The following PLD5 variants were observed in gnomAD, a reference collection of about 807,000 sequenced individuals.
The protein encoded by PLD5 is phospholipase D family member 5.
A neutral mutation model predicts 61.1 loss-of-function variants in PLD5; 36 were observed. That is an observed-to-expected ratio of 0.59 (90% CI 0.45 to 0.78). The LOEUF is 0.78. Ranked by LOEUF, PLD5 falls within the 30% of genes least tolerant of loss-of-function variation. PLD5 has a pLI of 0.00. For synonymous variants in PLD5, 243 were observed against 242.8 expected (o/e 1.00, Z -0.01); for missense variants, 515 against 644.4 (o/e 0.80, Z 2.17).
intron 1 of PLD5, among the ~76,000 whole-genome samples, chr1:242,476,338 A>G (rs1667595757): frequency 6.6e-6 from 1 of 151,980 alleles, no homozygotes; most frequent in Non-Finnish European, 1.5e-5. Context: ...CTGGGCGATG[A>G]GAGTGAAACT....
rs1189687083 is a variant in PLD5, at chr1:242,393,732, ATATATGAGTATATATGTGTG to A, written c.190-45510_190-45491del. 5.5e-5 allele frequency among the ~76,000 whole-genome samples: 8 copies of A among 144,634 alleles called. No homozygotes were observed. The East Asian group carries it at 1.0e-3, about 19-fold the overall frequency. 94.9% of individuals were successfully genotyped at this position (144,634 alleles called of 152,430 possible). ...TGTATATATGAGTATATATGTGTGTATATATGAGTATATATGTGTGTATATGAGTATATAAGTATTTTTAG... is the reference window on the plus strand; with the variant it reads ...TGTATATATGAGTATATATGTGTGTATATATGAGTATATAAGTATTTTTAG... On this transcript the variant is annotated intron_variant, in intron 1 of 9. Transcript: ENST00000536534.
chr1:242,397,512 T>TA (rs34279686), intron 1 of PLD5, among the ~76,000 whole-genome samples: 18 of 151,576 alleles, frequency 1.2e-4, no homozygotes, highest in Middle Eastern at 3.4e-3. Flanking sequence ...GTTGATAGAT[T>TA]AAAAAAACTA....
intron 1 of PLD5, among the ~76,000 whole-genome samples, chr1:242,488,545 A>C (rs1572231212): frequency 1.3e-5 from 2 of 152,216 alleles, no homozygotes; most frequent in East Asian, 3.9e-4. Flanking sequence ...AAAACTATGG[A>C]TACAGTAAAA....
At chr1:242,257,212 C>T (rs1242877293) in intron 4 of PLD5, among the ~76,000 whole-genome samples, 1 of 152,090 alleles carries the variant, frequency 6.6e-6, no homozygotes, top group African/African-American at 2.4e-5. Flanking sequence ...CATGAATGCT[C>T]TGGCAAAACA....
chr1:242,375,806 G>A (rs1269479554), intron 1 of PLD5, among the ~76,000 whole-genome samples: 4 of 152,076 alleles, frequency 2.6e-5, no homozygotes, highest in African/African-American at 4.8e-5. Flanking sequence ...AACTAAACCC[G>A]GGTGGCTCAG....
chr1:242,107,367 G>A (rs1661141513), intron 8 of PLD5, among the ~76,000 whole-genome samples: 1 of 152,056 alleles, frequency 6.6e-6, no homozygotes, highest in African/African-American at 2.4e-5. Context: ...AGCCGGGATT[G>A]TGCTACTGCA....
At chr1:242,174,021 T>C (rs1197239785) in intron 5 of PLD5, among the ~76,000 whole-genome samples, 7 of 152,124 alleles carry the variant, frequency 4.6e-5, no homozygotes, top group Admixed American at 4.6e-4. Flanking sequence ...CCAAAAGCAA[T>C]GGCAACAAAA....
At chr1:242,489,386 A>G (rs1038239598) in intron 1 of PLD5, among the ~76,000 whole-genome samples, 1 of 149,034 alleles carries the variant, frequency 6.7e-6, no homozygotes, top group Admixed American at 6.8e-5. Flanking sequence ...AAAAAAAAAA[A>G]CAGAGAAAAA....
rs553936334 is a variant in PLD5, at chr1:242,257,860, C to T, written c.607+7477G>A. 1.7e-3 allele frequency among the ~76,000 whole-genome samples: 264 copies of T among 152,270 alleles called. 3 individuals carry two copies. Among genetic ancestry groups the T allele is most frequent in the African/African-American group, 6.0e-3 (249 of 41,560 alleles). ...CTGGTTGTTTGTACGGTCACTCTCT[C>T]TTAGCAGATAATGTCAGTGGGAACA... is the stretch of plus-strand genomic sequence containing the variant. On this transcript the variant is annotated intron_variant, in intron 4 of 9. Coordinates refer to ENST00000536534, the MANE Select transcript of PLD5 (RefSeq NM_001372062.1).
intron 4 of PLD5, among the ~76,000 whole-genome samples, chr1:242,228,826 G>A (rs1382595920): frequency 1.3e-5 from 2 of 152,006 alleles, no homozygotes; most frequent in Non-Finnish European, 2.9e-5. Flanking sequence ...AGAAAATGGC[G>A]GGGGAGTCCA....
At chr1:242,167,080 A>ATT in intron 5 of PLD5, among the ~76,000 whole-genome samples, 1 of 39,656 alleles carries the variant, frequency 2.5e-5, no homozygotes, top group Non-Finnish European at 7.1e-5. Context: ...TAATAATAGT[A>ATT]ATAATAATAA....
At chr1:242,153,201 T>TG (rs1665076571) in intron 5 of PLD5, among the ~76,000 whole-genome samples, 1 of 148,306 alleles carries the variant, frequency 6.7e-6, no homozygotes, top group Admixed American at 6.7e-5. Context: ...TTTTGATGGT[T>TG]TTTTTTTCTT....
At chr1:242,372,656 G>C (rs1027518869) in intron 1 of PLD5, among the ~76,000 whole-genome samples, 2 of 152,268 alleles carry the variant, frequency 1.3e-5, no homozygotes, top group South Asian at 4.1e-4. Context: ...ACAACCATCT[G>C]ATCTTTGACA....
At chr1:242,118,223 T>A (rs964480092) in intron 6 of PLD5, among the ~76,000 whole-genome samples, 3 of 152,234 alleles carry the variant, frequency 2.0e-5, no homozygotes, top group African/African-American at 7.2e-5. Flanking sequence ...TTTGAGCCTC[T>A]GTTTCCTAAT....
intron 2 of PLD5, among the ~76,000 whole-genome samples, chr1:242,297,631 T>G (rs57227562): frequency 5.6e-4 from 1 of 1,794 alleles, no homozygotes; most frequent in African/African-American, 1.1e-3. Flanking sequence ...CTTTTTTTTT[T>G]TTTTTTTTTT....
chr1:242,458,573 GA>G (rs1201151598), intron 1 of PLD5, among the ~76,000 whole-genome samples: 1 of 152,358 alleles, frequency 6.6e-6, no homozygotes, highest in South Asian at 2.1e-4. Flanking sequence ...TTGGGCTGGA[GA>G]AAGTGTTATA....
intron 1 of PLD5, among the ~76,000 whole-genome samples, chr1:242,360,671 G>C (rs1661016185): frequency 6.6e-6 from 1 of 152,048 alleles, no homozygotes; most frequent in South Asian, 2.1e-4. Flanking sequence ...TGGTATGTTA[G>C]TGTCCTTAAA....
intron 1 of PLD5, among the ~76,000 whole-genome samples, chr1:242,410,384 A>G (rs1445323629): frequency 1.4e-5 from 2 of 147,604 alleles, no homozygotes; most frequent in African/African-American, 5.1e-5. Flanking sequence ...CTGGCTTTCC[A>G]GAGTATATTT....
intron 1 of PLD5, among the ~76,000 whole-genome samples, chr1:242,441,337 T>C (rs1666264906): frequency 6.6e-6 from 1 of 152,024 alleles, no homozygotes; most frequent in Non-Finnish European, 1.5e-5. Context: ...GTGTGTGTGG[T>C]GTTGTGTGTG....
Sources: gnomAD v4.1 joint callset for allele counts (sites outside exome capture counted in the v4.1 genomes callset) on GRCh38, gnomAD v4.1.1 for gene constraint, MANE v1.5 for transcripts, NCBI Gene and HGNC (gene_info 2026-07-23, HGNC 2026-07-21) for gene names.